The following RPS6KC1 variants were observed in gnomAD, a reference collection of about 807,000 sequenced individuals.
RPS6KC1 encodes ribosomal protein S6 kinase C1.
RPS6KC1 carries 54 observed loss-of-function variants against 103.8 expected under a neutral mutation model. That is an observed-to-expected ratio of 0.52 (90% CI 0.42 to 0.65). The LOEUF (loss-of-function observed/expected upper bound fraction) is 0.65, where lower values mean the gene tolerates loss of function less well. Ranked by LOEUF, RPS6KC1 falls within the 30% of genes least tolerant of loss-of-function variation. The pLI is 0.00. For missense variants in RPS6KC1, 1,151 were observed against 1,253.8 expected (o/e 0.92, Z 1.24); for synonymous variants, 439 against 438.7 (o/e 1.00, Z -0.01).
At chr1:213,488,273 GCTGAA>G in the RPS6KC1 span, among the ~76,000 whole-genome samples, 1 of 152,218 alleles carries the variant, frequency 6.6e-6, no homozygotes, top group Non-Finnish European at 1.5e-5. Context: ...ACACAATGTA[GCTGAA>G]CTGTCTACAA....
At chr1:213,681,515 G>A in the RPS6KC1 span, among the ~76,000 whole-genome samples, 1 of 152,076 alleles carries the variant, frequency 6.6e-6, no homozygotes, top group Non-Finnish European at 1.5e-5. Flanking sequence ...TAGATGTTCT[G>A]GGCCCAGCAC....
chr1:213,493,676 C>A, the RPS6KC1 span, among the ~76,000 whole-genome samples: 1 of 152,216 alleles, frequency 6.6e-6, no homozygotes, highest in African/African-American at 2.4e-5. Context: ...TCTCCTACTG[C>A]TCCCCACACT....
rs1342183136 is a variant in RPS6KC1 at position 213,231,975 on chromosome 1, G to A, written c.1093-148G>A. 5 of 915,078 alleles carry A rather than the reference G, an allele frequency of 5.5e-6. No homozygotes were observed. In the African/African-American group the frequency reaches 6.6e-5, roughly 12 times the overall value. 56.7% of individuals were successfully genotyped at this position (915,078 alleles called of 1,614,324 possible). ...CATCAGCAGAGCCTCCAGGGACTGGGGGGCATAGAGCAGCAGATGAGTGGT... is the reference window on the plus strand; with the variant it reads ...CATCAGCAGAGCCTCCAGGGACTGGAGGGCATAGAGCAGCAGATGAGTGGT... On this transcript the variant is annotated intron_variant, in intron 9 of 14. Transcript: ENST00000366960.
the RPS6KC1 span, among the ~76,000 whole-genome samples, chr1:213,480,224 C>T: frequency 7.2e-5 from 11 of 151,984 alleles, no homozygotes; most frequent in African/African-American, 2.4e-4. Flanking sequence ...TAGTTTTCCT[C>T]TCCATGATCG....
the RPS6KC1 span, among the ~76,000 whole-genome samples, chr1:213,608,788 G>A: frequency 1.3e-5 from 2 of 152,068 alleles, no homozygotes; most frequent in Non-Finnish European, 2.9e-5. Context: ...GTAACTTGCT[G>A]TCTAATTAAT....
At chr1:213,344,771 G>A in the RPS6KC1 span, among the ~76,000 whole-genome samples, 2 of 152,194 alleles carry the variant, frequency 1.3e-5, no homozygotes, top group Non-Finnish European at 2.9e-5. Context: ...CGGACCTCAA[G>A]TGATCCACCC....
the RPS6KC1 span, among the ~76,000 whole-genome samples, chr1:213,603,731 A>G: frequency 1.3e-5 from 2 of 151,944 alleles, no homozygotes; most frequent in African/African-American, 4.8e-5. Context: ...ATCATGGTGC[A>G]TGCCTGTAAT....
chr1:213,343,791 C>T, the RPS6KC1 span, among the ~76,000 whole-genome samples: 1 of 151,508 alleles, frequency 6.6e-6, no homozygotes, highest in African/African-American at 2.4e-5. Flanking sequence ...CAAAAACCTA[C>T]TGAAATAAAT....
the RPS6KC1 span, among the ~76,000 whole-genome samples, chr1:213,587,673 C>T: frequency 6.6e-6 from 1 of 152,314 alleles, no homozygotes; most frequent in South Asian, 2.1e-4. Context: ...GATATTCAAA[C>T]ATTGGAATAA....
chr1:213,726,869 G>A, the RPS6KC1 span, among the ~76,000 whole-genome samples: 2 of 152,262 alleles, frequency 1.3e-5, no homozygotes, highest in African/African-American at 4.8e-5. Context: ...GGTTAGAATA[G>A]CTATGGGATG....
the RPS6KC1 span, among the ~76,000 whole-genome samples, chr1:213,360,532 C>T: frequency 3.3e-5 from 5 of 152,238 alleles, no homozygotes; most frequent in East Asian, 3.9e-4. Flanking sequence ...GAAGTTTGTT[C>T]GTCTGAAGCC....
chr1:213,198,550 C>A (rs1347949378), intron 8 of RPS6KC1, among the ~76,000 whole-genome samples: 1 of 152,094 alleles, frequency 6.6e-6, no homozygotes, highest in Non-Finnish European at 1.5e-5. Flanking sequence ...ATAAGTTTTC[C>A]AAACTTTTAG....
At chr1:213,693,402 C>T in the RPS6KC1 span, among the ~76,000 whole-genome samples, 5 of 152,218 alleles carry the variant, frequency 3.3e-5, no homozygotes, top group South Asian at 1.0e-3. Context: ...TGTCTGCCCA[C>T]CCTCTCCAAT....
At chr1:213,622,220 G>A in the RPS6KC1 span, among the ~76,000 whole-genome samples, 2 of 141,914 alleles carry the variant, frequency 1.4e-5, no homozygotes, top group East Asian at 2.1e-4. Flanking sequence ...TACCCTGCTC[G>A]GGGACAAGTA....
At chr1:213,319,474 A>G in the RPS6KC1 span, among the ~76,000 whole-genome samples, 21 of 152,316 alleles carry the variant, frequency 1.4e-4, no homozygotes, top group South Asian at 4.1e-3. Context: ...TTGATCCCTG[A>G]TGTGCGGTCA....
chr1:213,728,624 C>T, the RPS6KC1 span, among the ~76,000 whole-genome samples: 1 of 152,088 alleles, frequency 6.6e-6, no homozygotes, highest in East Asian at 1.9e-4. Context: ...CGAACATCAC[C>T]CATTTGCAGG....
intron 8 of RPS6KC1, among the ~76,000 whole-genome samples, chr1:213,230,284 C>T (rs2094061243): frequency 6.6e-6 from 1 of 152,010 alleles, no homozygotes; most frequent in Non-Finnish European, 1.5e-5. Context: ...TAAAATACGG[C>T]ATTTTTAGAA....
At chr1:213,117,689 G>T (rs1427770688) in intron 5 of RPS6KC1, among the ~76,000 whole-genome samples, 1 of 151,560 alleles carries the variant, frequency 6.6e-6, no homozygotes, top group African/African-American at 2.4e-5. Context: ...ATGAAATATG[G>T]TATAATGAGT....
chr1:213,470,472 G>A, the RPS6KC1 span, among the ~76,000 whole-genome samples: 1 of 152,020 alleles, frequency 6.6e-6, no homozygotes, highest in Non-Finnish European at 1.5e-5. Flanking sequence ...CAGCCAGCCT[G>A]GTTGTCTTCC....
Sources: gnomAD v4.1 joint callset for allele counts (sites outside exome capture counted in the v4.1 genomes callset) on GRCh38, gnomAD v4.1.1 for gene constraint, MANE v1.5 for transcripts, NCBI Gene and HGNC (gene_info 2026-07-23, HGNC 2026-07-21) for gene names.